The following FUS variants were observed in gnomAD, a reference collection of about 807,000 sequenced individuals.
FUS encodes the protein RNA-binding protein FUS.
In FUS, 5 loss-of-function variants were observed where a neutral mutation model predicts 82.7. The observed-to-expected ratio is 0.06, with a 90% CI of 0.03 to 0.13. The LOEUF (loss-of-function observed/expected upper bound fraction) is 0.13, where lower values mean the gene tolerates loss of function less well. Among genes scored for constraint, FUS ranks in the 10% least tolerant of loss-of-function variants. FUS has a pLI of 1.00. For missense variants in FUS, 512 were observed against 707.8 expected (o/e 0.72, Z 3.14); for synonymous variants, 281 against 247.4 (o/e 1.14, Z -1.27).
At chr16:31,190,697 C>T (rs985541057) in intron 12 of FUS, 45 bp from the exon 13 acceptor site, 5 of 1,541,724 alleles carry the variant, frequency 3.2e-6, no homozygotes, top group Non-Finnish European at 4.5e-6. Flanking sequence ...CTAGGTCTTG[C>T]CTATTCCCCA....
At chr16:31,193,530 G>A, downstream of FUS, 1 of 529,706 alleles carries the variant, frequency 1.9e-6, no homozygotes, top group Non-Finnish European at 3.7e-6. Context: ...GAGTGGAGGA[G>A]GTCGAAGCTC....
intron 1 of FUS, among the ~76,000 whole-genome samples, chr16:31,180,692 A>G (rs2058044377): frequency 2.0e-5 from 3 of 151,658 alleles, no homozygotes; most frequent in Admixed American, 2.0e-4. Flanking sequence ...CTGTCGCGAG[A>G]CCCTTCGCGG....
In FUS at chr16:31,191,135, AAGT is replaced by A. The variant is rs1292020735; in HGVS notation, c.1541+28_1541+30del. 3.1e-6 allele frequency: 5 copies of A among 1,611,376 alleles called. No homozygotes were observed. The South Asian group carries it at 4.4e-5, about 14-fold the overall frequency. On this transcript the variant is annotated intron_variant, in intron 14 of 14. Coordinates refer to ENST00000254108, the MANE Select transcript of FUS (RefSeq NM_004960.4). The stretch of plus-strand genomic sequence containing the variant: ...GGTAAGACTTTAAATCAGAATAAAA[AAGT>A]AGAGCAGTTGAACAGAGGCCATAGG...
chr16:31,194,725 A>G (rs1289290232), downstream of FUS: 1 of 485,602 alleles, frequency 2.1e-6, no homozygotes, highest in Non-Finnish European at 4.1e-6. Flanking sequence ...TATCATTAGC[A>G]TGAATGAGAA....
intron 1 of FUS, among the ~76,000 whole-genome samples, chr16:31,180,831 T>C (rs535225874): frequency 7.8e-4 from 119 of 152,212 alleles, no homozygotes; most frequent in African/African-American, 2.8e-3. Context: ...GGGGCCGCCC[T>C]CTAGCTTAAC....
At chr16:31,194,852 C>T (rs1435418409), downstream of FUS, 5 of 475,664 alleles carry the variant, frequency 1.1e-5, no homozygotes, top group Admixed American at 4.6e-5. Flanking sequence ...AAATGATTGA[C>T]TTCAGTCATT....
downstream of FUS, chr16:31,194,752 T>C (rs1422875199): frequency 1.7e-5 from 8 of 483,338 alleles, no homozygotes; most frequent in East Asian, 3.9e-4. Flanking sequence ...AAGCCACTCT[T>C]AGAAAATTTT....
In FUS at chr16:31,180,171, GTTGGAAC is replaced by G; in HGVS notation, c.-41_-35del. 6.2e-7 allele frequency: 1 copy of G among 1,605,586 alleles called. No individual in the cohort carries two copies. The highest frequency in any genetic ancestry group is 8.5e-7 in the Non-Finnish European group (1 of 1,176,038). On this transcript the variant is annotated 5_prime_UTR_variant, in exon 1 of 15. Coordinates refer to ENST00000254108, the MANE Select transcript of FUS (RefSeq NM_004960.4). ...CCTCCAGGCGTCGGTACTCAGCGGTGTTGGAACTTCGTTGCTTGCTTGCCTGTGCGCG... is the reference window on the plus strand; with the variant it reads ...CCTCCAGGCGTCGGTACTCAGCGGTGTTCGTTGCTTGCTTGCCTGTGCGCG...
chr16:31,192,889 A>G (rs960906406), downstream of FUS: 64 of 485,804 alleles, frequency 1.3e-4, no homozygotes, highest in Admixed American at 9.5e-4. Flanking sequence ...CAAATTTTCA[A>G]GTGTTCCACA....
downstream of FUS, chr16:31,191,697 G>C (rs1226492447): frequency 4.4e-6 from 3 of 680,766 alleles, no homozygotes; most frequent in East Asian, 2.8e-5. Flanking sequence ...ACCCTGCCCA[G>C]CAGGAACTGG....
In FUS at chr16:31,189,679, G is replaced by C. The variant is rs771216742; in HGVS notation, c.951G>C (p.Thr317=). ...QIGIIKTNKK[T]GQPMINLYTD... Reference sequence around the variant, plus strand: ...GCTTTCTTCAGACAAACAAGAAAACGGGACAGCCCATGATTAATTTGTACA... The same window carrying C: ...GCTTTCTTCAGACAAACAAGAAAACCGGACAGCCCATGATTAATTTGTACA... The change falls in exon 10 of 15, where the codon ACG becomes ACC. Residue 317 remains threonine (T), a synonymous_variant. Transcript: ENST00000254108. 1 of 1,614,112 alleles carries C rather than the reference G, an allele frequency of 6.2e-7. No homozygotes were observed.
At chr16:31,192,227 G>A (rs1049097668), downstream of FUS, 1 of 526,278 alleles carries the variant, frequency 1.9e-6, no homozygotes, top group Admixed American at 2.2e-5. Context: ...GACATTATGA[G>A]ATTTTAGGCT....
At chr16:31,187,319 G>A (rs1050561780) in intron 7 of FUS, 14 of 266,470 alleles carry the variant, frequency 5.3e-5, no homozygotes, top group South Asian at 2.9e-4. Flanking sequence ...TATAAAGTAC[G>A]GAATGGTGTC....
In FUS at chr16:31,189,586, C is replaced by CT. The variant is rs1405775438; in HGVS notation, c.937-78dup. ...GAGCTGAAGTTTGGGAATTATAAAC[C>CT]TCATGTTCTAGAGGAAGAAGATGGA... On this transcript the variant is annotated intron_variant, in intron 9 of 14. Transcript: ENST00000254108. 47 of 1,593,406 alleles carry CT rather than the reference C, an allele frequency of 2.9e-5. No homozygotes were observed. The Middle Eastern group carries it at 1.2e-3, about 40-fold the overall frequency.
chr16:31,188,944 T>A, intron 8 of FUS, 179 bp from the exon 9 acceptor site: 1 of 631,632 alleles, frequency 1.6e-6, no homozygotes, highest in East Asian at 2.7e-5. Flanking sequence ...TCAAACTGAA[T>A]CTGAAATTTA....
intron 6 of FUS, chr16:31,186,600 G>GT: frequency 1.6e-6 from 1 of 621,210 alleles, no homozygotes; most frequent in Non-Finnish European, 2.9e-6. Context: ...TTTATAAACT[G>GT]TGTCTGAGAA....
At chr16:31,186,499 A>G (rs2079271907) in intron 6 of FUS, 3 of 486,172 alleles carry the variant, frequency 6.2e-6, no homozygotes, top group Non-Finnish European at 1.1e-5. Flanking sequence ...AGAGGAAAAA[A>G]AAACATCTGC....
At chr16:31,191,232 A>T in intron 14 of FUS, 122 bp downstream of exon 14, 1 of 1,480,392 alleles carries the variant, frequency 6.8e-7, no homozygotes, top group Non-Finnish European at 9.3e-7. Context: ...GGTTGTAACC[A>T]GTAGTGGAGA....
intron 5 of FUS, 106 bp downstream of exon 5, chr16:31,184,502 GGCA>G (rs2079231931): frequency 8.7e-7 from 1 of 1,143,528 alleles, no homozygotes; most frequent in Non-Finnish European, 1.3e-6. Flanking sequence ...GGAGTGCAGT[GGCA>G]CAATCTCGGC....
Sources: allele counts gnomAD v4.1 joint callset (sites outside exome capture counted in the v4.1 genomes callset), GRCh38; gene constraint gnomAD v4.1.1; transcripts MANE v1.5; gene names NCBI Gene and HGNC (gene_info 2026-07-23, HGNC 2026-07-21).